Variants in HS6ST3 observed in about 807,000 individuals in gnomAD.
The protein encoded by HS6ST3 is heparan sulfate 6-O-sulfotransferase 3.
Under a neutral mutation model 36.7 loss-of-function variants are expected in HS6ST3, and 12 were observed. The observed-to-expected ratio is 0.33, with a 90% confidence interval of 0.21 to 0.53. HS6ST3 has a LOEUF of 0.53. Among genes scored for constraint, HS6ST3 ranks in the 20% least tolerant of loss-of-function variants. The pLI is 0.95. For synonymous variants in HS6ST3, 240 were observed against 257.5 expected, an observed-to-expected ratio of 0.93 and a Z score of 0.65; for missense variants, 584 against 640.9, an observed-to-expected ratio of 0.91 and a Z score of 0.96.
intron 1 of HS6ST3, among the ~76,000 whole-genome samples, chr13:96,360,125 G>A (rs2055230055): frequency 6.6e-6 from 1 of 152,084 alleles, no homozygotes; most frequent in African/African-American, 2.4e-5. Flanking sequence ...GAGCAGTGTT[G>A]GAGAAAATAG....
intron 1 of HS6ST3, among the ~76,000 whole-genome samples, chr13:96,151,516 C>A (rs911971949): frequency 6.6e-6 from 1 of 151,986 alleles, no homozygotes. Context: ...ACAGTGTCAA[C>A]AGTGGTTATC....
intron 1 of HS6ST3, among the ~76,000 whole-genome samples, chr13:96,455,306 G>A (rs956840420): frequency 6.6e-6 from 1 of 152,126 alleles, no homozygotes; most frequent in African/African-American, 2.4e-5. Flanking sequence ...GCTCACTGCA[G>A]CCTCCTGGGC....
chr13:96,209,177 A>G lies in HS6ST3; in HGVS notation c.707+117608A>G, dbSNP rs560133273. Among the ~76,000 whole-genome samples the G allele has an allele frequency of 4.6e-5, 7 of 152,346 alleles. No homozygotes were observed. The South Asian group carries it at 8.3e-4, about 18-fold the overall frequency. ...ATATAGATGGAAAGATGGATTGTCTATGTAATTCCTTGATCTTACAAGGGA... is the reference window on the plus strand; with the variant it reads ...ATATAGATGGAAAGATGGATTGTCTGTGTAATTCCTTGATCTTACAAGGGA... On this transcript the variant is annotated intron_variant, in intron 1 of 1. Coordinates refer to ENST00000376705, the MANE Select transcript of HS6ST3 (RefSeq NM_153456.4).
chr13:96,499,553 G>A (rs1335453464), intron 1 of HS6ST3, among the ~76,000 whole-genome samples: 1 of 152,148 alleles, frequency 6.6e-6, no homozygotes, highest in Non-Finnish European at 1.5e-5. Flanking sequence ...GATAAGGACA[G>A]CTGTTTCAGG....
intron 1 of HS6ST3, among the ~76,000 whole-genome samples, chr13:96,412,131 A>G (rs1414507281): frequency 6.6e-6 from 1 of 152,024 alleles, no homozygotes; most frequent in Non-Finnish European, 1.5e-5. Flanking sequence ...CAGCCTCTCA[A>G]GTAGCTGGGA....
At chr13:96,114,615 C>T (rs2053885388) in intron 1 of HS6ST3, among the ~76,000 whole-genome samples, 1 of 152,114 alleles carries the variant, frequency 6.6e-6, no homozygotes, top group Non-Finnish European at 1.5e-5. Context: ...ATAGGGCCTA[C>T]CTTATAGAGT....
Position 96,115,164 on chromosome 13 carries a change from T to C in HS6ST3, c.707+23595T>C, listed in dbSNP as rs575782329. 3.9e-5 allele frequency among the ~76,000 whole-genome samples: 6 copies of C among 152,332 alleles called. No homozygotes were observed. In the South Asian group the frequency reaches 1.2e-3, roughly 32 times the overall value. ...TTTTCTTGGCACAGACATGGAACCC[T>C]GTTGATAATGTCTGTTGTCACATTA... On this transcript the variant is annotated intron_variant, in intron 1 of 1. Transcript: ENST00000376705.
chr13:96,348,824 A>G (rs1253594757), intron 1 of HS6ST3, among the ~76,000 whole-genome samples: 1 of 152,202 alleles, frequency 6.6e-6, no homozygotes, highest in African/African-American at 2.4e-5. Context: ...TGAAGGTTGT[A>G]CTTTTTGCTC....
At chr13:96,475,483 C>A (rs112059827) in intron 1 of HS6ST3, among the ~76,000 whole-genome samples, 1 of 151,552 alleles carries the variant, frequency 6.6e-6, no homozygotes, top group African/African-American at 2.4e-5. Context: ...CACAAGTTTT[C>A]TTTTATTTCC....
chr13:96,219,884 A>G (rs1289487672), intron 1 of HS6ST3, among the ~76,000 whole-genome samples: 2 of 152,152 alleles, frequency 1.3e-5, no homozygotes, highest in East Asian at 1.9e-4. Flanking sequence ...GGGTTTCACC[A>G]TGTTGGCCAG....
chr13:96,701,492 T>G (rs1450420400), intron 1 of HS6ST3, among the ~76,000 whole-genome samples: 1 of 152,186 alleles, frequency 6.6e-6, no homozygotes, highest in African/African-American at 2.4e-5. Context: ...TTTTCTCAGA[T>G]GTAGAAATAA....
chr13:96,233,292 G>A (rs1170651730), intron 1 of HS6ST3, among the ~76,000 whole-genome samples: 2 of 152,186 alleles, frequency 1.3e-5, no homozygotes, highest in African/African-American at 4.8e-5. Context: ...AGTTATATAA[G>A]GTATTATATG....
intron 1 of HS6ST3, among the ~76,000 whole-genome samples, chr13:96,408,528 A>G (rs1319883641): frequency 6.6e-6 from 1 of 152,220 alleles, no homozygotes; most frequent in Non-Finnish European, 1.5e-5. Context: ...TTTGCCAGGA[A>G]TACAAAGAGA....
chr13:96,210,676 C>T (rs1292094515), intron 1 of HS6ST3, among the ~76,000 whole-genome samples: 2 of 151,536 alleles, frequency 1.3e-5, no homozygotes, highest in Non-Finnish European at 2.9e-5. Context: ...TTACTGGAAC[C>T]TCTGCTTCCT....
chr13:96,495,391 T>C (rs1366773915), intron 1 of HS6ST3, among the ~76,000 whole-genome samples: 1 of 152,188 alleles, frequency 6.6e-6, no homozygotes, highest in Non-Finnish European at 1.5e-5. Flanking sequence ...TAAAATAGAC[T>C]TCATTAAGTG....
chr13:96,288,797 T>G (rs1321707639), intron 1 of HS6ST3, among the ~76,000 whole-genome samples: 1 of 152,054 alleles, frequency 6.6e-6, no homozygotes, highest in African/African-American at 2.4e-5. Context: ...CAATGTTTTG[T>G]AGGTTGAAGT....
chr13:96,503,726 A>G (rs1184266404), intron 1 of HS6ST3, among the ~76,000 whole-genome samples: 1 of 152,206 alleles, frequency 6.6e-6, no homozygotes, highest in African/African-American at 2.4e-5. Flanking sequence ...CTGCCATGCC[A>G]TGTGCTAACT....
intron 1 of HS6ST3, among the ~76,000 whole-genome samples, chr13:96,551,063 C>A (rs963654811): frequency 8.5e-5 from 13 of 152,104 alleles, no homozygotes; most frequent in African/African-American, 2.4e-4. Flanking sequence ...AAATTAACTA[C>A]CCTTTGAGAT....
At chr13:96,452,857 C>T (rs1162923694) in intron 1 of HS6ST3, among the ~76,000 whole-genome samples, 2 of 151,966 alleles carry the variant, frequency 1.3e-5, no homozygotes, top group Non-Finnish European at 2.9e-5. Flanking sequence ...AACTTTCTAC[C>T]CTACTACCTG....
Sources: gnomAD v4.1 joint callset for allele counts (sites outside exome capture counted in the v4.1 genomes callset) on GRCh38, gnomAD v4.1.1 for gene constraint, MANE v1.5 for transcripts, NCBI Gene and HGNC (gene_info 2026-07-23, HGNC 2026-07-21) for gene names.